Variants in MARCHF3 observed in about 807,000 individuals in gnomAD.
MARCHF3 encodes the protein membrane associated ring-CH-type finger 3, also known as E3 ubiquitin-protein ligase MARCHF3.
In MARCHF3, 13 loss-of-function variants were observed where a neutral mutation model predicts 24.2. The observed-to-expected ratio is 0.54, with a 90% CI of 0.35 to 0.85. MARCHF3 has a LOEUF of 0.85. MARCHF3 is among the 40% of genes least tolerant of loss of function. The pLI, the probability that MARCHF3 is intolerant of heterozygous loss-of-function variation, is 0.01. For synonymous variants in MARCHF3, 144 were observed against 137.3 expected, an observed-to-expected ratio of 1.05 and a Z score of -0.34; for missense variants, 276 against 325.0, an observed-to-expected ratio of 0.85 and a Z score of 1.16.
intron 1 of MARCHF3, among the ~76,000 whole-genome samples, chr5:126,994,426 T>C (rs1459491637): frequency 6.6e-6 from 1 of 152,166 alleles, no homozygotes. Flanking sequence ...TATATCTTGA[T>C]TGTGGTAGTA....
chr5:126,928,074 A>G lies in MARCHF3; in HGVS notation c.-56-9847T>C, dbSNP rs543647676. On this transcript the variant is annotated intron_variant, in intron 1 of 4. Coordinates refer to ENST00000308660, the MANE Select transcript of MARCHF3 (RefSeq NM_178450.5). Reference sequence around the variant, plus strand: ...TAGCACTATTCATTTTCCATCTTCTAAGTACTTAATAAATACAGTAGGCCT... The same window carrying G: ...TAGCACTATTCATTTTCCATCTTCTGAGTACTTAATAAATACAGTAGGCCT... 2.6e-5 allele frequency among the ~76,000 whole-genome samples: 4 copies of G among 152,312 alleles called. No individual in the cohort carries two copies. In the East Asian group the frequency reaches 7.7e-4, roughly 29 times the overall value.
At chr5:126,982,076 T>C (rs1014098316) in intron 1 of MARCHF3, among the ~76,000 whole-genome samples, 1 of 152,228 alleles carries the variant, frequency 6.6e-6, no homozygotes, top group Admixed American at 6.5e-5. Context: ...TTCCAACATG[T>C]TATGAGGACA....
At position 126,903,120 on chromosome 5, in the gene MARCHF3, A is replaced by G. The variant is rs141151739; in HGVS notation, c.393+11810T>C. The stretch of plus-strand genomic sequence containing the variant: ...AGGAGATCAGTAGGTTCGGTCTATA[A>G]TACTCTGAAAGGAAGATGAGGTGTT... On this transcript the variant is annotated intron_variant, in intron 3 of 4. Coordinates refer to ENST00000308660, the MANE Select transcript of MARCHF3 (RefSeq NM_178450.5). Among the ~76,000 whole-genome samples the G allele has an allele frequency of 4.1e-3, 625 of 152,222 alleles. 2 individuals are homozygous for G. Among genetic ancestry groups the G allele is most frequent in the Non-Finnish European group, 7.1e-3 (483 of 68,036 alleles).
rs1753231213 is a variant in MARCHF3 at position 126,878,229 on chromosome 5, C to T, written c.559G>A (p.Ala187Thr). 1 of 1,614,228 alleles carries T rather than the reference C, an allele frequency of 6.2e-7. No individual in the cohort carries two copies. The highest frequency in any genetic ancestry group is 8.5e-7 in the Non-Finnish European group (1 of 1,180,046). The change falls in exon 4 of 5, where the codon GCA becomes ACA. Residue 187 changes from alanine to threonine, a missense_variant. By Grantham distance (58) the Ala-to-Thr change is moderately conservative. Coordinates refer to ENST00000308660, the MANE Select transcript of MARCHF3 (RefSeq NM_178450.5). The part of the protein sequence containing the change: ...SSRLEAVGLI[A>T]LTVALFTIYL... Reference sequence around the variant, plus strand: ...ATAGTGAAGAGTGCGACAGTGAGTGCAATCAGTCCGACGGCTTCCAGCCGA... The same window carrying T: ...ATAGTGAAGAGTGCGACAGTGAGTGTAATCAGTCCGACGGCTTCCAGCCGA...
At position 126,878,298 on chromosome 5, in the gene MARCHF3, A is replaced by G. The variant is rs1753236690; in HGVS notation, c.490T>C (p.Trp164Arg). ...TCCACGGCGCCCCGCAGGCACAGCC[A>G]GCCCGAGATGGTGGCCAGGGGAGTT... ...FITPLATISG[W>R]LCLRGAVDHL... is the part of the protein sequence containing the mutation. The change falls in exon 4 of 5, where the codon TGG becomes CGG. Residue 164 changes from tryptophan (W) to arginine (R), a missense_variant. By Grantham distance (101) the Trp-to-Arg change is moderately radical (BLOSUM62 -3). Coordinates refer to ENST00000308660, the MANE Select transcript of MARCHF3 (RefSeq NM_178450.5). 1 of 1,614,282 alleles carries G rather than the reference A, an allele frequency of 6.2e-7. No homozygotes were observed. Among genetic ancestry groups the G allele is most frequent in the African/African-American group, 1.3e-5 (1 of 75,080 alleles).
intron 3 of MARCHF3, among the ~76,000 whole-genome samples, chr5:126,910,792 T>G (rs1456433487): frequency 1.3e-5 from 2 of 152,218 alleles, no homozygotes. Flanking sequence ...AACAGCAATG[T>G]TCAGGAAACA....
intron 1 of MARCHF3, among the ~76,000 whole-genome samples, chr5:126,974,775 C>T (rs1250731360): frequency 6.6e-6 from 1 of 152,136 alleles, no homozygotes; most frequent in African/African-American, 2.4e-5. Flanking sequence ...AACTCTGCTT[C>T]TTATTAAGTT....
intron 3 of MARCHF3, among the ~76,000 whole-genome samples, chr5:126,908,799 C>T (rs1364109091): frequency 6.6e-6 from 1 of 151,964 alleles, no homozygotes; most frequent in African/African-American, 2.4e-5. Context: ...ATTCCATCGT[C>T]TGAAGCCTTC....
chr5:126,971,199 C>T (rs1163733137), intron 1 of MARCHF3, among the ~76,000 whole-genome samples: 1 of 152,008 alleles, frequency 6.6e-6, no homozygotes, highest in African/African-American at 2.4e-5. Flanking sequence ...CCTGTAATCC[C>T]AGCACTTTGG....
chr5:126,973,572 G>A (rs1315982858), intron 1 of MARCHF3, among the ~76,000 whole-genome samples: 1 of 152,198 alleles, frequency 6.6e-6, no homozygotes, highest in Non-Finnish European at 1.5e-5. Context: ...GAAGTGCAGA[G>A]GGTGGCAGAG....
intron 1 of MARCHF3, among the ~76,000 whole-genome samples, chr5:126,925,587 G>A (rs981823694): frequency 9.9e-5 from 15 of 152,024 alleles, no homozygotes; most frequent in African/African-American, 3.4e-4. Flanking sequence ...GATGAAAATG[G>A]CAATTAAAAA....
At chr5:126,945,921 C>A (rs1241637096) in intron 1 of MARCHF3, among the ~76,000 whole-genome samples, 3 of 152,200 alleles carry the variant, frequency 2.0e-5, no homozygotes, top group Non-Finnish European at 2.9e-5. Context: ...GACCAGCTAA[C>A]CACAGAGCAG....
chr5:126,885,296 G>C (rs1176016367), intron 3 of MARCHF3, among the ~76,000 whole-genome samples: 1 of 152,194 alleles, frequency 6.6e-6, no homozygotes, highest in Non-Finnish European at 1.5e-5. Context: ...GGCTGGGTGT[G>C]GTGGTTTACG....
intron 1 of MARCHF3, among the ~76,000 whole-genome samples, chr5:126,991,581 A>G (rs928735887): frequency 6.6e-6 from 1 of 152,156 alleles, no homozygotes; most frequent in African/African-American, 2.4e-5. Flanking sequence ...TTAGCTGGGC[A>G]TGGTGGTACA....
intron 1 of MARCHF3, among the ~76,000 whole-genome samples, chr5:126,948,221 T>G (rs1750094187): frequency 6.6e-6 from 1 of 152,114 alleles, no homozygotes; most frequent in Non-Finnish European, 1.5e-5. Flanking sequence ...ATGTCATCCA[T>G]CAGTACCCAC....
At chr5:126,901,960 A>G (rs1394583868) in intron 3 of MARCHF3, among the ~76,000 whole-genome samples, 1 of 152,068 alleles carries the variant, frequency 6.6e-6, no homozygotes, top group Non-Finnish European at 1.5e-5. Context: ...CACCACCCCA[A>G]CACCCATGGA....
intron 1 of MARCHF3, among the ~76,000 whole-genome samples, chr5:126,945,738 C>A (rs1240462204): frequency 6.6e-6 from 1 of 152,186 alleles, no homozygotes; most frequent in Non-Finnish European, 1.5e-5. Flanking sequence ...TGTTTGAATT[C>A]TGGCTCTTTC....
At chr5:127,000,116 T>C (rs1752079389) in intron 1 of MARCHF3, among the ~76,000 whole-genome samples, 2 of 151,718 alleles carry the variant, frequency 1.3e-5, no homozygotes, top group South Asian at 2.1e-4. Flanking sequence ...CAAGAGCAGA[T>C]TGAAAGAGAT....
At chr5:127,019,739 C>A (rs554207869) in intron 1 of MARCHF3, among the ~76,000 whole-genome samples, 2 of 152,208 alleles carry the variant, frequency 1.3e-5, no homozygotes, top group South Asian at 2.1e-4. Context: ...ATCCTGCCAC[C>A]TGCCTTACTT....
Sources: gnomAD v4.1 joint callset for allele counts (sites outside exome capture counted in the v4.1 genomes callset) on GRCh38, gnomAD v4.1.1 for gene constraint, MANE v1.5 for transcripts, NCBI Gene and HGNC (gene_info 2026-07-23, HGNC 2026-07-21) for gene names.